KANSL1: variants seen among roughly 807,000 people sequenced by gnomAD.
KANSL1 encodes the protein MLL1/MLL complex subunit KANSL1.
Under a neutral mutation model 103.6 loss-of-function variants are expected in KANSL1, and 22 were observed. The ratio of observed to expected loss-of-function variants is 0.21; its 90% CI spans 0.15 to 0.30. The LOEUF is 0.30. Ranked by LOEUF, KANSL1 falls within the 10% of genes least tolerant of loss-of-function variation. The pLI, the probability that KANSL1 is intolerant of heterozygous loss-of-function variation, is 1.00. For missense variants in KANSL1, 1,337 were observed against 1,399.8 expected (o/e 0.96, Z 0.72); for synonymous variants, 600 against 527.6 (o/e 1.14, Z -1.88).
intron 11 of KANSL1, among the ~76,000 whole-genome samples, chr17:46,033,679 C>T (rs1234668168): frequency 6.6e-6 from 1 of 152,142 alleles, no homozygotes; most frequent in African/African-American, 2.4e-5. Flanking sequence ...ATGAGAGAAG[C>T]GGCCTAGGGT....
chr17:46,142,212 C>T (rs1192144677), intron 2 of KANSL1, among the ~76,000 whole-genome samples: 2 of 152,194 alleles, frequency 1.3e-5, no homozygotes, highest in Admixed American at 1.3e-4. Context: ...AAGCTAAAGG[C>T]AAAAGATCAA....
intron 2 of KANSL1, among the ~76,000 whole-genome samples, chr17:46,125,039 GGGAGGGAGGAGGGAGGGAGGAGGGAGGGA>G (rs2043464369): frequency 1.1e-5 from 1 of 89,406 alleles, no homozygotes; most frequent in Non-Finnish European, 2.2e-5. Context: ...GAGGTAGGGA[GGGAGGGAGGAGGGAGGGAGGAGGGAGGGA>G]GGAGGGAGGG....
At chr17:46,070,988 AGAAG>A (rs1431700375) in intron 4 of KANSL1, among the ~76,000 whole-genome samples, 4 of 152,216 alleles carry the variant, frequency 2.6e-5, no homozygotes, top group African/African-American at 9.6e-5. Flanking sequence ...CAAAGTCTAA[AGAAG>A]AATATGTCAA....
chr17:46,030,509 G>T lies in KANSL1; in HGVS notation c.*967C>A. On this transcript the variant is annotated 3_prime_UTR_variant, in exon 15 of 15. Transcript: ENST00000432791. Reference sequence around the variant, plus strand: ...GGACCAGACAATGTTCCACAGGCAAGGGGAGCGTGAAAGACCAAGAGTGGA... The same window carrying T: ...GGACCAGACAATGTTCCACAGGCAATGGGAGCGTGAAAGACCAAGAGTGGA... The T allele has an allele frequency of 6.6e-6, 1 of 151,968 alleles. No individual in the cohort carries two copies. 9.4% of individuals were successfully genotyped at this position (151,968 alleles called of 1,614,324 possible).
chr17:46,203,836 C>A (rs1304563738), intron 1 of KANSL1, among the ~76,000 whole-genome samples: 1 of 152,218 alleles, frequency 6.6e-6, no homozygotes, highest in East Asian at 1.9e-4. Context: ...ATCTAAAGTT[C>A]TATACTTGGA....
intron 6 of KANSL1, among the ~76,000 whole-genome samples, chr17:46,055,886 G>A (rs992743200): frequency 6.6e-6 from 1 of 152,006 alleles, no homozygotes; most frequent in African/African-American, 2.4e-5. Context: ...AACAAAAGGA[G>A]GTATTACTTT....
At chr17:46,208,784 C>T (rs1353981115) in intron 1 of KANSL1, among the ~76,000 whole-genome samples, 2 of 148,598 alleles carry the variant, frequency 1.3e-5, no homozygotes, top group East Asian at 2.0e-4. Context: ...AACCTGGAGG[C>T]GGAGGTTGCA....
At chr17:46,135,688 T>C (rs1276229323) in intron 2 of KANSL1, among the ~76,000 whole-genome samples, 2 of 144,768 alleles carry the variant, frequency 1.4e-5, no homozygotes, top group Admixed American at 7.0e-5. Flanking sequence ...TGCCCCACCA[T>C]GCCTGGCTTT....
At chr17:46,186,738 C>CT (rs1219903592) in intron 1 of KANSL1, among the ~76,000 whole-genome samples, 7 of 151,900 alleles carry the variant, frequency 4.6e-5, no homozygotes, top group Non-Finnish European at 7.4e-5. Context: ...TTTCTTTTTT[C>CT]TTTTTTTTGA....
In KANSL1 at chr17:46,032,477, A is replaced by G. The variant is rs1078997; in HGVS notation, c.2838-178T>C. The G allele has an allele frequency of 0.16, 80,642 of 501,908 alleles. 7,952 individuals are homozygous for G. The highest frequency in any genetic ancestry group is 0.42 in the East Asian group (13,221 of 31,422). The allele number at this position is 501,908 out of a possible 1,614,324, so 31.1% of individuals were successfully genotyped here. ...TTCTCTGGAGGGGTAGGTATACAAC[A>G]TTTACCATCCCAAGAAAAAAGCATG... On this transcript the variant is annotated intron_variant, in intron 13 of 14. Coordinates refer to ENST00000432791, the MANE Select transcript of KANSL1 (RefSeq NM_015443.4).
chr17:46,194,116 C>G (rs2047520779), upstream of KANSL1, among the ~76,000 whole-genome samples: 2 of 152,204 alleles, frequency 1.3e-5, no homozygotes, highest in Non-Finnish European at 1.5e-5. Context: ...GCCGGGCCAG[C>G]CCGGGAAGGG....
intron 2 of KANSL1, among the ~76,000 whole-genome samples, chr17:46,123,470 C>T (rs1316439261): frequency 6.6e-6 from 1 of 152,170 alleles, no homozygotes. Context: ...GAAAGTAAGG[C>T]CTCTTGTACC....
rs1372669885 is a variant in KANSL1 at position 46,090,704 on chromosome 17, A to G, written c.1431+3856T>C. ...ATAAGCAACATACATTCATGTGCCA[A>G]ATAGCATTATGGTCAATGACAGACC... On this transcript the variant is annotated intron_variant, in intron 3 of 14. Transcript: ENST00000432791. Among the ~76,000 whole-genome samples the G allele has an allele frequency of 3.9e-5, 6 of 152,364 alleles. No individual in the cohort carries two copies. In the East Asian group the frequency reaches 1.2e-3, roughly 29 times the overall value.
rs377108187 is a variant in KANSL1 at position 46,033,126 on chromosome 17, G to A, written c.2791C>T (p.Arg931Trp). ...HAKCEEMERA[R>W]WLWTTSVPPQ... ...GGCACACTCGTGGTCCACAGCCACC[G>A]TGCCCTCTCCATCTCCTCACATTTG... The change falls in exon 13 of 15, where the codon CGG becomes TGG. Residue 931 changes from arginine to tryptophan, a missense_variant. Physicochemically the swap from Arg to Trp is moderately radical, Grantham distance 101 (BLOSUM62 -3). Around this residue, in one of 2 missense-constraint regions of KANSL1, gnomAD observed 780 missense variants for 923.4 expected, o/e 0.84. Coordinates refer to ENST00000432791, the MANE Select transcript of KANSL1 (RefSeq NM_015443.4). 9 of 1,603,558 alleles carry A rather than the reference G, an allele frequency of 5.6e-6. No individual in the cohort carries two copies. In the African/African-American group the frequency reaches 8.0e-5, roughly 14 times the overall value.
intron 2 of KANSL1, among the ~76,000 whole-genome samples, chr17:46,146,832 C>CAAA (rs1023164178): frequency 0.012 from 381 of 31,486 alleles, 1 homozygote; most frequent in Non-Finnish European, 0.018. Flanking sequence ...GACTCCGTCT[C>CAAA]AAAAAAAAAA....
chr17:46,060,888 A>G (rs1010144003), intron 6 of KANSL1, among the ~76,000 whole-genome samples: 6 of 152,336 alleles, frequency 3.9e-5, no homozygotes, highest in African/African-American at 1.4e-4. Flanking sequence ...TCGGAATTCT[A>G]TGGAAGCCAG....
chr17:46,218,521 G>A (rs1242137804), intron 1 of KANSL1, among the ~76,000 whole-genome samples: 10 of 152,348 alleles, frequency 6.6e-5, no homozygotes, highest in African/African-American at 1.9e-4. Flanking sequence ...GGTGGCTCAC[G>A]CCTGTAATCC....
chr17:46,090,452 G>C (rs2079339184), intron 3 of KANSL1, among the ~76,000 whole-genome samples: 1 of 152,188 alleles, frequency 6.6e-6, no homozygotes, highest in Admixed American at 6.5e-5. Flanking sequence ...TTACTTATTG[G>C]AACTATCAAC....
intron 4 of KANSL1, 147 bp downstream of exon 4, chr17:46,082,294 A>C (rs540137439): frequency 1.8e-6 from 1 of 542,054 alleles, no homozygotes; most frequent in East Asian, 3.1e-5. Flanking sequence ...TCAGGAATTC[A>C]GATCTTAAAA....
Sources: allele counts gnomAD v4.1 joint callset (sites outside exome capture counted in the v4.1 genomes callset), GRCh38; gene constraint gnomAD v4.1.1; regional missense constraint gnomAD v4.1.1; transcripts MANE v1.5; gene names NCBI Gene and HGNC (gene_info 2026-07-23, HGNC 2026-07-21).